The following CCDC73 variants were observed in gnomAD, a reference collection of about 807,000 sequenced individuals.
CCDC73 encodes the protein coiled-coil domain containing 73.
In CCDC73, 95 loss-of-function variants were observed where a neutral mutation model predicts 116.5. The observed-to-expected ratio is 0.82, with a 90% CI of 0.69 to 0.97. CCDC73 has a LOEUF of 0.97. CCDC73 is among the 50% of genes least tolerant of loss of function. CCDC73 has a pLI of 0.00. For synonymous variants in CCDC73, 398 were observed against 401.3 expected (o/e 0.99, Z 0.10); for missense variants, 1,066 against 1,206.8 (o/e 0.88, Z 1.73).
chr11:32,625,533 T>G (rs1331607488), intron 14 of CCDC73, among the ~76,000 whole-genome samples: 1 of 152,170 alleles, frequency 6.6e-6, no homozygotes, highest in Admixed American at 6.5e-5. Context: ...TCTCCTTCAC[T>G]TATGAAGCTT....
Position 32,602,996 on chromosome 11 carries a change from T to C in CCDC73, c.3055A>G (p.Thr1019Ala), listed in dbSNP as rs761559747. 2 of 1,603,734 alleles carry C rather than the reference T, an allele frequency of 1.2e-6. No homozygotes were observed. The highest frequency in any genetic ancestry group is 1.7e-6 in the Non-Finnish European group (2 of 1,177,446). ...EHVKTKPLIS[T>A]PLQSHLQAIK... ...GCCTGCAAATGGCTTTGTAGTGGAG[T>C]TGATATCAGAGGCTTTGTTTTCACC... Residue 1019 changes from threonine (T) to alanine (A), a missense_variant, in exon 18 of 18, where the codon ACT (threonine) becomes GCT (alanine). Coordinates refer to ENST00000335185, the MANE Select transcript of CCDC73 (RefSeq NM_001008391.4).
intron 9 of CCDC73, among the ~76,000 whole-genome samples, chr11:32,659,882 G>C (rs1855906854): frequency 6.6e-6 from 1 of 152,108 alleles, no homozygotes; most frequent in South Asian, 2.1e-4. Flanking sequence ...GGTATTACAT[G>C]GCAATTGTAT....
At chr11:32,722,138 A>G (rs932071240) in intron 2 of CCDC73, among the ~76,000 whole-genome samples, 3 of 152,222 alleles carry the variant, frequency 2.0e-5, no homozygotes, top group Non-Finnish European at 4.4e-5. Context: ...CAACAATATC[A>G]TCAATACTAT....
At chr11:32,691,793 A>G (rs1856260919) in intron 6 of CCDC73, among the ~76,000 whole-genome samples, 2 of 152,128 alleles carry the variant, frequency 1.3e-5, no homozygotes, top group South Asian at 2.1e-4. Flanking sequence ...TCACGCCTGT[A>G]ATCCTAGCAC....
intron 9 of CCDC73, among the ~76,000 whole-genome samples, chr11:32,665,068 T>C (rs1217221927): frequency 6.6e-6 from 1 of 152,222 alleles, no homozygotes; most frequent in Non-Finnish European, 1.5e-5. Context: ...GAGGAGTGCT[T>C]TACTTCCAAC....
At chr11:32,742,888 C>G (rs1469674083) in intron 2 of CCDC73, among the ~76,000 whole-genome samples, 1 of 152,094 alleles carries the variant, frequency 6.6e-6, no homozygotes, top group Non-Finnish European at 1.5e-5. Context: ...AGCCAGTTTT[C>G]CCAACACTAT....
rs57643752 is a variant in CCDC73 at position 32,620,610 on chromosome 11, CAAA to C, written c.1186-4484_1186-4482del. ...TGGGCCACAGAGCGAGACTCAGTCT[CAAA>C]AAAAAAAAAAAAAAAAAAAAGAAGT... On this transcript the variant is annotated intron_variant, in intron 14 of 17. Transcript: ENST00000335185. Among the ~76,000 whole-genome samples the C allele has an allele frequency of 9.8e-4, 60 of 61,336 alleles. No individual in the cohort carries two copies. The South Asian group carries it at 0.038, about 39-fold the overall frequency. 40.2% of individuals were successfully genotyped at this position (61,336 alleles called of 152,430 possible). A position where few individuals can be genotyped will look rare whatever the true frequency, so the allele number is the denominator to read the frequency against.
At chr11:32,687,336 G>A (rs1235238735) in intron 6 of CCDC73, among the ~76,000 whole-genome samples, 2 of 152,226 alleles carry the variant, frequency 1.3e-5, no homozygotes, top group Non-Finnish European at 1.5e-5. Context: ...AGTAAGGTGA[G>A]GAGGGTGACC....
At chr11:32,678,379 G>T (rs1173080499) in intron 7 of CCDC73, among the ~76,000 whole-genome samples, 41 of 152,294 alleles carry the variant, frequency 2.7e-4, no homozygotes, top group Admixed American at 1.1e-3. Context: ...AACTTAGGGT[G>T]ACCTTGGGTA....
chr11:32,736,941 T>C (rs1420751044), intron 2 of CCDC73, among the ~76,000 whole-genome samples: 1 of 10,058 alleles, frequency 9.9e-5, no homozygotes, highest in Non-Finnish European at 2.0e-4. Context: ...TGTTCTCACA[T>C]ATATATATAT....
chr11:32,732,508 C>A (rs1276447901), intron 2 of CCDC73, among the ~76,000 whole-genome samples: 1 of 152,134 alleles, frequency 6.6e-6, no homozygotes, highest in Non-Finnish European at 1.5e-5. Flanking sequence ...ATGTTAAGGG[C>A]AGCCAGAAAG....
chr11:32,747,825 G>A (rs1413486905), intron 2 of CCDC73, among the ~76,000 whole-genome samples: 1 of 152,232 alleles, frequency 6.6e-6, no homozygotes, highest in Admixed American at 6.5e-5. Context: ...ATTTGCACAG[G>A]AGTGTACTGT....
At chr11:32,810,849 G>A in the CCDC73 span, among the ~76,000 whole-genome samples, 1 of 151,978 alleles carries the variant, frequency 6.6e-6, no homozygotes, top group East Asian at 1.9e-4. Flanking sequence ...ACTCTTCTGA[G>A]GCCAGGCACA....
chr11:32,725,720 T>C (rs903762773), intron 2 of CCDC73, among the ~76,000 whole-genome samples: 20 of 152,190 alleles, frequency 1.3e-4, no homozygotes, highest in Non-Finnish European at 2.9e-4. Flanking sequence ...CTTTCATCTC[T>C]AAATTTCTAC....
upstream of CCDC73, among the ~76,000 whole-genome samples, chr11:32,795,839 GCCA>G (rs1850722758): frequency 6.6e-6 from 1 of 151,988 alleles, no homozygotes; most frequent in Non-Finnish European, 1.5e-5. Context: ...ACAGGCGCCT[GCCA>G]CCACACCTGG....
chr11:32,698,120 G>A (rs530455038), intron 6 of CCDC73, among the ~76,000 whole-genome samples: 160 of 148,728 alleles, frequency 1.1e-3, no homozygotes, highest in African/African-American at 3.8e-3. Flanking sequence ...CGCCTCCCGG[G>A]TTCACGCCAT....
rs746948954 is a variant in CCDC73, at chr11:32,603,037, A to C, written c.3031-17T>G. On this transcript the variant is annotated splice_polypyrimidine_tract_variant and intron_variant, in intron 17 of 17. Coordinates refer to ENST00000335185, the MANE Select transcript of CCDC73 (RefSeq NM_001008391.4). Reference sequence around the variant, plus strand: ...TGTTTTCACCTGGGAAAGATAAACTAATTTTACCTTCGAAATTATTATACA... The same window carrying C: ...TGTTTTCACCTGGGAAAGATAAACTCATTTTACCTTCGAAATTATTATACA... 2 of 1,559,448 alleles carry C rather than the reference A, an allele frequency of 1.3e-6. No individual in the cohort carries two copies. The highest frequency in any genetic ancestry group is 1.7e-6 in the Non-Finnish European group (2 of 1,150,456).
intron 1 of CCDC73, among the ~76,000 whole-genome samples, chr11:32,786,383 ATTT>A (rs1850627221): frequency 1.7e-5 from 1 of 58,874 alleles, no homozygotes; most frequent in East Asian, 6.4e-4. Flanking sequence ...TAAATATATT[ATTT>A]ATATAATTAT....
At chr11:32,642,658 T>C (rs1409055237) in intron 12 of CCDC73, among the ~76,000 whole-genome samples, 1 of 151,946 alleles carries the variant, frequency 6.6e-6, no homozygotes, top group Non-Finnish European at 1.5e-5. Context: ...TACCATGTGT[T>C]TTCTAAGACT....
Sources: allele counts gnomAD v4.1 joint callset (sites outside exome capture counted in the v4.1 genomes callset), GRCh38; gene constraint gnomAD v4.1.1; transcripts MANE v1.5; gene names NCBI Gene and HGNC (gene_info 2026-07-23, HGNC 2026-07-21).